Variants in PLPP3 observed in about 807,000 individuals in gnomAD.
PLPP3 encodes the protein phospholipid phosphatase 3.
PLPP3 carries 6 observed loss-of-function variants against 29.6 expected under a neutral mutation model. The observed-to-expected ratio is 0.20, with a 90% CI of 0.11 to 0.40. The LOEUF (loss-of-function observed/expected upper bound fraction) is 0.40, where lower values mean the gene tolerates loss of function less well. Among genes scored for constraint, PLPP3 ranks in the 10% least tolerant of loss-of-function variants. The pLI is 1.00. For synonymous variants in PLPP3, 152 were observed against 159.7 expected, an observed-to-expected ratio of 0.95 and a Z score of 0.36; for missense variants, 308 against 407.7, an observed-to-expected ratio of 0.76 and a Z score of 2.11.
At chr1:56,499,923 G>A (rs1248644099) in intron 5 of PLPP3, among the ~76,000 whole-genome samples, 1 of 152,094 alleles carries the variant, frequency 6.6e-6, no homozygotes, top group African/African-American at 2.4e-5. Flanking sequence ...GCTGTCTTAG[G>A]TCTGTGGGAT....
chr1:56,557,012 G>GAAAGAAAAGAAAGAA (rs60511169), intron 1 of PLPP3, among the ~76,000 whole-genome samples: 1 of 9,106 alleles, frequency 1.1e-4, no homozygotes, highest in African/African-American at 3.1e-4. Flanking sequence ...GAAAGAAAGA[G>GAAAGAAAAGAAAGAA]AGAGAGAGAG....
intron 2 of PLPP3, among the ~76,000 whole-genome samples, chr1:56,526,175 C>T (rs574246883): frequency 4.6e-5 from 7 of 152,292 alleles, no homozygotes. Flanking sequence ...GTATGGGACC[C>T]TGCATAGATG....
intron 1 of PLPP3, among the ~76,000 whole-genome samples, chr1:56,575,910 G>C (rs550301468): frequency 6.6e-6 from 1 of 152,248 alleles, no homozygotes; most frequent in African/African-American, 2.4e-5. Flanking sequence ...CAAAAACCAG[G>C]AGGTGATAAA....
chr1:56,538,059 T>C (rs1338623915), intron 1 of PLPP3, among the ~76,000 whole-genome samples: 11 of 152,182 alleles, frequency 7.2e-5, no homozygotes, highest in Admixed American at 1.3e-4. Flanking sequence ...CTTCTACAGA[T>C]AGCCACCAGT....
intron 5 of PLPP3, among the ~76,000 whole-genome samples, chr1:56,498,877 C>T: frequency 6.6e-6 from 1 of 152,320 alleles, no homozygotes; most frequent in South Asian, 2.1e-4. Context: ...CATGATCCGC[C>T]TGCCTCAGCC....
chr1:56,520,321 G>C (rs1645810124), intron 4 of PLPP3, among the ~76,000 whole-genome samples: 1 of 152,086 alleles, frequency 6.6e-6, no homozygotes. Flanking sequence ...AAAACTGTCA[G>C]TGCTAAACCT....
chr1:56,539,794 C>T (rs969576427), intron 1 of PLPP3, among the ~76,000 whole-genome samples: 1 of 152,096 alleles, frequency 6.6e-6, no homozygotes, highest in African/African-American at 2.4e-5. Flanking sequence ...GAAATGCAAC[C>T]AAGTTGGCTA....
chr1:56,561,258 G>T (rs1237013741), intron 1 of PLPP3, among the ~76,000 whole-genome samples: 1 of 151,850 alleles, frequency 6.6e-6, no homozygotes, highest in Non-Finnish European at 1.5e-5. Context: ...AGCTATCATG[G>T]TTAGCACAAA....
intron 1 of PLPP3, among the ~76,000 whole-genome samples, chr1:56,539,139 C>G (rs1369256621): frequency 6.6e-6 from 1 of 152,116 alleles, no homozygotes; most frequent in Admixed American, 6.5e-5. Flanking sequence ...TAGTCCACCT[C>G]CAAATGCTTA....
chr1:56,578,079 C>A (rs1450496013), intron 1 of PLPP3, among the ~76,000 whole-genome samples: 1 of 152,130 alleles, frequency 6.6e-6, no homozygotes, highest in Non-Finnish European at 1.5e-5. Context: ...TGGCTTCCAA[C>A]GACTTTGGAA....
intron 1 of PLPP3, among the ~76,000 whole-genome samples, chr1:56,557,014 G>GAA (rs1281163801): frequency 7.7e-5 from 1 of 12,954 alleles, no homozygotes; most frequent in East Asian, 1.5e-3. Flanking sequence ...AAGAAAGAGA[G>GAA]AGAGAGAGAG....
intron 1 of PLPP3, among the ~76,000 whole-genome samples, chr1:56,554,571 CAA>C (rs1377385549): frequency 3.7e-4 from 35 of 93,572 alleles, no homozygotes; most frequent in African/African-American, 2.2e-4. Context: ...GACTCCATCT[CAA>C]AAAAAAAAAA....
At chr1:56,505,113 A>G (rs1645693772) in intron 5 of PLPP3, among the ~76,000 whole-genome samples, 1 of 152,256 alleles carries the variant, frequency 6.6e-6, no homozygotes, top group Non-Finnish European at 1.5e-5. Flanking sequence ...TTGGAAAGCT[A>G]CTGCACTAGA....
intron 2 of PLPP3, among the ~76,000 whole-genome samples, chr1:56,530,814 C>T (rs752825068): frequency 6.6e-6 from 1 of 152,158 alleles, no homozygotes; most frequent in Non-Finnish European, 1.5e-5. Flanking sequence ...TGTCTACTCC[C>T]TTATATTCCA....
chr1:56,578,169 C>T (rs1432939403), intron 1 of PLPP3, among the ~76,000 whole-genome samples: 5 of 152,204 alleles, frequency 3.3e-5, no homozygotes, highest in Admixed American at 2.0e-4. Context: ...AGCTGGCTTT[C>T]CCAGTGCCTC....
chr1:56,567,437 A>G lies in PLPP3; in HGVS notation c.139+11441T>C, dbSNP rs375885684. 4.1e-3 allele frequency among the ~76,000 whole-genome samples: 486 copies of G among 118,886 alleles called. 2 individuals are homozygous for G. Among genetic ancestry groups the G allele is most frequent in the Admixed American group, 7.0e-3 (60 of 8,512 alleles). 78.0% of individuals were successfully genotyped at this position (118,886 alleles called of 152,430 possible). ...TTTTGAGATGGAGTCTCGCTCTGTC[A>G]CCCAGGCTGGAGTGCAGTGGCGCGA... On this transcript the variant is annotated intron_variant, in intron 1 of 5. Coordinates refer to ENST00000371250, the MANE Select transcript of PLPP3 (RefSeq NM_003713.5).
intron 1 of PLPP3, among the ~76,000 whole-genome samples, chr1:56,548,398 AT>A (rs1299528276): frequency 6.6e-6 from 1 of 152,162 alleles, no homozygotes; most frequent in Admixed American, 6.5e-5. Flanking sequence ...TTTGTAGTTG[AT>A]TTCCTCTCTC....
intron 5 of PLPP3, among the ~76,000 whole-genome samples, chr1:56,503,455 G>A (rs1365373757): frequency 2.6e-5 from 4 of 152,180 alleles, no homozygotes; most frequent in African/African-American, 7.2e-5. Context: ...TTGGGAGGCC[G>A]AGGTGGGCGG....
intron 1 of PLPP3, among the ~76,000 whole-genome samples, 169 bp downstream of exon 1, chr1:56,578,709 G>C (rs1236468647): frequency 6.6e-6 from 1 of 152,114 alleles, no homozygotes; most frequent in Non-Finnish European, 1.5e-5. Flanking sequence ...GATCGGGGAG[G>C]GCGGGGGCTT....
Sources: gnomAD v4.1 joint callset for allele counts (sites outside exome capture counted in the v4.1 genomes callset) on GRCh38, gnomAD v4.1.1 for gene constraint, MANE v1.5 for transcripts, NCBI Gene and HGNC (gene_info 2026-07-23, HGNC 2026-07-21) for gene names.